The following DMRT1 variants were observed in gnomAD, a reference collection of about 807,000 sequenced individuals.
DMRT1 encodes doublesex- and mab-3-related transcription factor 1.
Under a neutral mutation model 32.3 loss-of-function variants are expected in DMRT1, and 7 were observed. The ratio of observed to expected loss-of-function variants is 0.22; its 90% CI spans 0.12 to 0.41. The LOEUF (loss-of-function observed/expected upper bound fraction) is 0.41. Among genes scored for constraint, DMRT1 ranks in the 10% least tolerant of loss-of-function variants. The pLI is 1.00. For synonymous variants in DMRT1, 278 were observed against 206.1 expected (o/e 1.35, Z -2.99); for missense variants, 625 against 500.5 (o/e 1.25, Z -2.37).
At chr9:860,709 G>T (rs952023009) in intron 2 of DMRT1, among the ~76,000 whole-genome samples, 2 of 152,188 alleles carry the variant, frequency 1.3e-5, no homozygotes, top group Non-Finnish European at 2.9e-5. Flanking sequence ...TGTGACCAAG[G>T]GGACACGGGC....
intron 2 of DMRT1, among the ~76,000 whole-genome samples, chr9:861,598 C>T (rs558315483): frequency 3.9e-4 from 59 of 149,596 alleles, no homozygotes; most frequent in African/African-American, 1.4e-3. Context: ...GACGGGGTGG[C>T]GGCCGGGCAG....
intron 3 of DMRT1, among the ~76,000 whole-genome samples, chr9:907,662 A>G (rs1161310217): frequency 6.6e-6 from 1 of 152,190 alleles, no homozygotes; most frequent in African/African-American, 2.4e-5. Flanking sequence ...ACTGTATTCC[A>G]GTATATATTT....
intron 4 of DMRT1, among the ~76,000 whole-genome samples, chr9:941,294 G>A (rs1488697144): frequency 6.6e-6 from 1 of 151,674 alleles, no homozygotes; most frequent in Non-Finnish European, 1.5e-5. Context: ...AAGAAAATGT[G>A]GCGCATGCAT....
chr9:856,195 G>A (rs7046084), intron 2 of DMRT1, among the ~76,000 whole-genome samples: 64,273 of 151,880 alleles, frequency 0.42, 13,749 homozygotes, highest in East Asian at 0.59. Context: ...GGGATTACAG[G>A]TGTGAGCCAC....
At chr9:882,536 G>A (rs1346636464) in intron 2 of DMRT1, among the ~76,000 whole-genome samples, 1 of 152,048 alleles carries the variant, frequency 6.6e-6, no homozygotes, top group Non-Finnish European at 1.5e-5. Context: ...CCAGGCCAGG[G>A]TTTTGCATTC....
At chr9:884,088 A>G (rs1816834233) in intron 2 of DMRT1, among the ~76,000 whole-genome samples, 2 of 152,088 alleles carry the variant, frequency 1.3e-5, no homozygotes, top group African/African-American at 4.8e-5. Flanking sequence ...TTTTTACTTC[A>G]TGCTGGAAAC....
At chr9:937,659 C>T (rs1471595816) in intron 4 of DMRT1, among the ~76,000 whole-genome samples, 3 of 152,036 alleles carry the variant, frequency 2.0e-5, no homozygotes, top group Admixed American at 1.3e-4. Context: ...TGGAGAAATG[C>T]CTGTTCAAGT....
chr9:856,450 T>A (rs1407265028), intron 2 of DMRT1, among the ~76,000 whole-genome samples: 1 of 152,196 alleles, frequency 6.6e-6, no homozygotes, highest in African/African-American at 2.4e-5. Flanking sequence ...TCTACAGAGG[T>A]GTCTATTCTG....
chr9:939,086 A>G (rs1281367909), intron 4 of DMRT1, among the ~76,000 whole-genome samples: 1 of 152,178 alleles, frequency 6.6e-6, no homozygotes, highest in Non-Finnish European at 1.5e-5. Flanking sequence ...TACCAGTAAC[A>G]CCCCATTTAT....
chr9:913,204 C>T (rs989467172), intron 3 of DMRT1, among the ~76,000 whole-genome samples: 6 of 152,154 alleles, frequency 3.9e-5, no homozygotes, highest in African/African-American at 1.4e-4. Flanking sequence ...TGTACCCTGG[C>T]AAAATTGAAA....
At chr9:898,154 C>G (rs570945502) in intron 3 of DMRT1, among the ~76,000 whole-genome samples, 81 of 149,184 alleles carry the variant, frequency 5.4e-4, no homozygotes, top group African/African-American at 1.9e-3. Context: ...GGGCCTCACT[C>G]TGTCATTCAG....
At chr9:899,391 A>G (rs1309800951) in intron 3 of DMRT1, among the ~76,000 whole-genome samples, 23 of 152,200 alleles carry the variant, frequency 1.5e-4, no homozygotes, top group Non-Finnish European at 4.4e-5. Context: ...AGCCACGAAT[A>G]ATTACTGAGC....
chr9:852,234 G>A (rs1815174722), intron 2 of DMRT1, among the ~76,000 whole-genome samples: 1 of 151,460 alleles, frequency 6.6e-6, no homozygotes, highest in Non-Finnish European at 1.5e-5. Context: ...ACCGTGCCTG[G>A]CCGCAGGTAC....
chr9:853,678 T>C (rs972164667), intron 2 of DMRT1, among the ~76,000 whole-genome samples: 1 of 152,060 alleles, frequency 6.6e-6, no homozygotes, highest in Non-Finnish European at 1.5e-5. Context: ...CTAATTTTTA[T>C]ATCTTTGGTA....
At chr9:846,073 C>G (rs1163168304) in intron 1 of DMRT1, among the ~76,000 whole-genome samples, 2 of 151,022 alleles carry the variant, frequency 1.3e-5, no homozygotes, top group Admixed American at 6.6e-5. Flanking sequence ...GTTTTGTCGC[C>G]CAGGCTGGAG....
intron 2 of DMRT1, among the ~76,000 whole-genome samples, chr9:886,346 C>G (rs143397279): frequency 0.019 from 2,894 of 152,254 alleles, 93 homozygotes; most frequent in African/African-American, 0.065. Flanking sequence ...ACCTCCGCCT[C>G]CTGGGTTCAA....
chr9:898,359 A>G (rs570908704), intron 3 of DMRT1, among the ~76,000 whole-genome samples: 1 of 152,170 alleles, frequency 6.6e-6, no homozygotes, highest in South Asian at 2.1e-4. Context: ...GCCTCAAGTG[A>G]TCCGCCCACT....
chr9:968,036 G>C lies in DMRT1; in HGVS notation c.1019G>C (p.Ser340Thr), dbSNP rs756914953. ...TCTGGCTTGGTTTCCCTCTCGAGCA[G>C]CTCTCCTATTAGTAACAAGAGCACA... ...QDSGLVSLSS[S>T]SPISNKSTKA... The change falls in exon 5 of 5, where the codon AGC (serine) becomes ACC (threonine). Residue 340 changes from serine (S) to threonine (T), a missense_variant. By Grantham distance (58) the Ser-to-Thr change is moderately conservative. Around this residue, in one of 3 missense-constraint regions of DMRT1, gnomAD observed 416 missense variants for 321.6 expected, o/e 1.29. Coordinates refer to ENST00000382276, the MANE Select transcript of DMRT1 (RefSeq NM_021951.3). 6.2e-7 allele frequency: 1 copy of C among 1,614,064 alleles called. No individual in the cohort carries two copies. Among genetic ancestry groups the C allele is most frequent in the Admixed American group, 1.7e-5 (1 of 60,018 alleles).
chr9:935,128 A>G (rs1818844776), intron 4 of DMRT1, among the ~76,000 whole-genome samples: 1 of 152,204 alleles, frequency 6.6e-6, no homozygotes, highest in Non-Finnish European at 1.5e-5. Flanking sequence ...CTAAGTGACT[A>G]GTGTTTTTCT....
Sources: allele counts gnomAD v4.1 joint callset (sites outside exome capture counted in the v4.1 genomes callset), GRCh38; gene constraint gnomAD v4.1.1; regional missense constraint gnomAD v4.1.1; transcripts MANE v1.5; gene names NCBI Gene and HGNC (gene_info 2026-07-23, HGNC 2026-07-21).